Variants in MGAM2 observed in about 807,000 individuals in gnomAD.
MGAM2 encodes the protein maltase-glucoamylase 2 (putative).
A neutral mutation model predicts 96.1 loss-of-function variants in MGAM2; 98 were observed. The observed-to-expected ratio is 1.02, with a 90% CI of 0.87 to 1.21. MGAM2 has a LOEUF of 1.21. MGAM2 is among the 50% of genes most tolerant of loss of function. The pLI, the probability that MGAM2 is intolerant of heterozygous loss-of-function variation, is 0.00. For missense variants in MGAM2, 2,055 were observed against 1,182.4 expected, an observed-to-expected ratio of 1.74 and a Z score of -10.82; for synonymous variants, 749 against 414.8, an observed-to-expected ratio of 1.81 and a Z score of -9.79.
Position 142,198,162 on chromosome 7 carries a change from T to C in MGAM2, c.4890T>C (p.Tyr1630=). ...AGAGCACATTTGAGATCTCTGCTTA[T>C]TTTCCGAGAGCCCGTTGGTATGACT... ...LETSTFEISA[Y]FPRARWYDYS... The change falls in exon 43 of 48, where the codon TAT becomes TAC. Residue 1630 remains tyrosine (Y), a synonymous_variant. Coordinates refer to ENST00000477922, the MANE Select transcript of MGAM2 (RefSeq NM_001293626.2). 1.4e-6 allele frequency: 1 copy of C among 703,126 alleles called. No homozygotes were observed. Among genetic ancestry groups the C allele is most frequent in the South Asian group, 1.5e-5 (1 of 67,580 alleles). 43.6% of individuals were successfully genotyped at this position (703,126 alleles called of 1,614,324 possible). A position where few individuals can be genotyped will look rare whatever the true frequency, so the allele number is the denominator to read the frequency against.
chr7:142,198,248 G>A, intron 43 of MGAM2, 53 bp downstream of exon 43: 1 of 684,966 alleles, frequency 1.5e-6, no homozygotes, highest in Non-Finnish European at 2.7e-6. Flanking sequence ...AGGGTGGAGA[G>A]GTGGATAGAG....
chr7:142,186,109 G>A lies in MGAM2; in HGVS notation c.4108G>A (p.Asp1370Asn), dbSNP rs1286319207. 2.1e-5 allele frequency: 15 copies of A among 705,048 alleles called. No homozygotes were observed. Among genetic ancestry groups the A allele is most frequent in the Non-Finnish European group, 3.9e-5 (15 of 384,928 alleles). 43.7% of individuals were successfully genotyped at this position (705,048 alleles called of 1,614,324 possible). A position where few individuals can be genotyped will look rare whatever the true frequency, so the allele number is the denominator to read the frequency against. The change falls in exon 35 of 48, where the codon GAT becomes AAT. Residue 1370 changes from aspartate to asparagine, a missense_variant. Coordinates refer to ENST00000477922, the MANE Select transcript of MGAM2 (RefSeq NM_001293626.2). ...PREPEKSLKF[D>N]GLWIDMNEPS... ...AGAGCCAGAGAAGAGCTTGAAGTTT[G>A]ATGGATTGTGGATTGTAAGTGCACC... is the stretch of plus-strand genomic sequence containing the variant.
intron 15 of MGAM2, among the ~76,000 whole-genome samples, chr7:142,152,992 C>CTTTTTT (rs10559271): frequency 8.5e-6 from 1 of 117,122 alleles, no homozygotes; most frequent in African/African-American, 3.0e-5. Flanking sequence ...GCTTTTATTC[C>CTTTTTT]TTTTTTTTTT....
intron 37 of MGAM2, 124 bp from the exon 38 acceptor site, chr7:142,196,030 C>G (rs1797022657): frequency 1.5e-6 from 1 of 660,118 alleles, no homozygotes; most frequent in African/African-American, 1.8e-5. Context: ...ACAGCAGATT[C>G]TTTCAGGGAA....
At chr7:142,140,971 T>C (rs1795206388) in intron 11 of MGAM2, 38 bp downstream of exon 11, 1 of 692,528 alleles carries the variant, frequency 1.4e-6, no homozygotes, top group African/African-American at 1.8e-5. Flanking sequence ...TTTTCCTTTG[T>C]AGTGCAAAAA....
In MGAM2 at chr7:142,114,138, GA is replaced by G. The variant is rs537425120; in HGVS notation, c.-1+2334del. Among the ~76,000 whole-genome samples the G allele has an allele frequency of 2.7e-5, 3 of 111,948 alleles. No homozygotes were observed. In the South Asian group the frequency reaches 1.0e-3, roughly 37 times the overall value. The allele number at this position is 111,948 out of a possible 152,430, so 73.4% of individuals were successfully genotyped here. A position where few individuals can be genotyped will look rare whatever the true frequency, so the allele number is the denominator to read the frequency against. ...AGAGCGAGACTCCATCTCAAAAAAA[GA>G]AAGAAAGAAAGAAGGAAAGAAAGAA... is the stretch of plus-strand genomic sequence containing the variant. On this transcript the variant is annotated intron_variant, in intron 1 of 47. Coordinates refer to ENST00000477922, the MANE Select transcript of MGAM2 (RefSeq NM_001293626.2).
chr7:142,135,723 TACACACACAC>T (rs144830276), intron 7 of MGAM2, among the ~76,000 whole-genome samples: 9 of 145,112 alleles, frequency 6.2e-5, no homozygotes, highest in Admixed American at 5.6e-4. Flanking sequence ...CACTTAGAGT[TACACACACAC>T]ACACACACAC....
intron 35 of MGAM2, among the ~76,000 whole-genome samples, chr7:142,187,535 G>A (rs531755422): frequency 4.3e-4 from 65 of 152,268 alleles, no homozygotes; most frequent in African/African-American, 1.3e-3. Context: ...CACTTTGGCC[G>A]ATATAAATTT....
chr7:142,117,521 A>C (rs1027645617), intron 2 of MGAM2, among the ~76,000 whole-genome samples: 7 of 152,176 alleles, frequency 4.6e-5, no homozygotes, highest in Admixed American at 4.6e-4. Flanking sequence ...AAATAATAAA[A>C]TGTGTGTAGT....
At chr7:142,176,398 C>T (rs62475298) in intron 32 of MGAM2, among the ~76,000 whole-genome samples, 18,245 of 152,180 alleles carry the variant, frequency 0.12, 1,181 homozygotes, top group African/African-American at 0.15. Flanking sequence ...GACTTTTGCT[C>T]ACTTACTAAT....
intron 6 of MGAM2, among the ~76,000 whole-genome samples, chr7:142,133,475 A>G (rs1006584047): frequency 1.3e-5 from 2 of 151,958 alleles, no homozygotes; most frequent in Non-Finnish European, 2.9e-5. Context: ...TCAAGCAGTG[A>G]CCAACAGTTT....
intron 7 of MGAM2, among the ~76,000 whole-genome samples, chr7:142,135,671 A>G (rs1043096967): frequency 6.6e-6 from 1 of 151,334 alleles, no homozygotes; most frequent in African/African-American, 2.4e-5. Flanking sequence ...AACTTGTAAA[A>G]CGTTCTCCGT....
intron 36 of MGAM2, among the ~76,000 whole-genome samples, chr7:142,188,452 A>G (rs1325719912): frequency 6.6e-6 from 1 of 152,136 alleles, no homozygotes; most frequent in Admixed American, 6.5e-5. Context: ...AAAAAAAAAC[A>G]AACAAACACC....
chr7:142,132,149 T>G, intron 6 of MGAM2, 64 bp downstream of exon 6: 1 of 617,738 alleles, frequency 1.6e-6, no homozygotes, highest in Non-Finnish European at 2.9e-6. Context: ...TCATTCTGAT[T>G]TACTGGGGGT....
At chr7:142,132,763 T>G (rs1183156577) in intron 6 of MGAM2, among the ~76,000 whole-genome samples, 1 of 125,438 alleles carries the variant, frequency 8.0e-6, no homozygotes, top group Admixed American at 8.7e-5. Context: ...ATATAATATA[T>G]AATTATATAA....
intron 6 of MGAM2, among the ~76,000 whole-genome samples, chr7:142,133,105 T>C (rs1164943163): frequency 7.3e-6 from 1 of 136,944 alleles, no homozygotes; most frequent in Non-Finnish European, 1.5e-5. Flanking sequence ...TAGACATTAA[T>C]TTATATTTAA....
At chr7:142,139,595 G>A (rs988935017) in intron 10 of MGAM2, among the ~76,000 whole-genome samples, 2 of 151,240 alleles carry the variant, frequency 1.3e-5, no homozygotes, top group African/African-American at 2.4e-5. Flanking sequence ...TGGAGGCAGA[G>A]GTTGTAGTGA....
At chr7:142,180,908 C>G (rs1796517685) in intron 32 of MGAM2, among the ~76,000 whole-genome samples, 1 of 152,114 alleles carries the variant, frequency 6.6e-6, no homozygotes, top group Non-Finnish European at 1.5e-5. Context: ...TTTAGCCATT[C>G]AGTTAAAATG....
intron 7 of MGAM2, among the ~76,000 whole-genome samples, chr7:142,135,803 A>G (rs1346987071): frequency 6.6e-6 from 1 of 151,602 alleles, no homozygotes; most frequent in East Asian, 1.9e-4. Flanking sequence ...ACAGATTTCA[A>G]TATTTTTTCT....
Sources: allele counts gnomAD v4.1 joint callset (sites outside exome capture counted in the v4.1 genomes callset), GRCh38; gene constraint gnomAD v4.1.1; transcripts MANE v1.5; gene names NCBI Gene and HGNC (gene_info 2026-07-23, HGNC 2026-07-21).